GARRE1: variants seen among roughly 807,000 people sequenced by gnomAD.
GARRE1 encodes the protein granule associated Rac and RHOG effector protein 1.
Under a neutral mutation model 103.2 loss-of-function variants are expected in GARRE1, and 49 were observed. That is an observed-to-expected ratio of 0.47 (90% CI 0.38 to 0.60). The LOEUF is 0.60. GARRE1 is among the 20% of genes least tolerant of loss of function. GARRE1 has a pLI of 0.00. For missense variants in GARRE1, 1,199 were observed against 1,370.5 expected, an observed-to-expected ratio of 0.87 and a Z score of 1.98; for synonymous variants, 505 against 532.8, an observed-to-expected ratio of 0.95 and a Z score of 0.72.
At chr19:34,274,728 A>C (rs1350377836) in intron 1 of GARRE1, among the ~76,000 whole-genome samples, 1 of 152,180 alleles carries the variant, frequency 6.6e-6, no homozygotes, top group African/African-American at 2.4e-5. Flanking sequence ...TCAGAGGAGG[A>C]GTAGCTCAAA....
intron 12 of GARRE1, among the ~76,000 whole-genome samples, chr19:34,349,563 A>C (rs2074227379): frequency 6.6e-6 from 1 of 152,216 alleles, no homozygotes; most frequent in South Asian, 2.1e-4. Context: ...GGCGTTTCAA[A>C]GTTGGGAAAA....
chr19:34,350,861 G>A (rs1051175403), intron 12 of GARRE1, among the ~76,000 whole-genome samples: 11 of 152,094 alleles, frequency 7.2e-5, no homozygotes, highest in African/African-American at 1.9e-4. Context: ...GATTAAAGGC[G>A]TGAGCCACCG....
intron 2 of GARRE1, among the ~76,000 whole-genome samples, chr19:34,301,683 G>A (rs897610190): frequency 1.4e-4 from 21 of 150,522 alleles, no homozygotes; most frequent in Non-Finnish European, 1.3e-4. Flanking sequence ...TTTATTTGTG[G>A]ATTTTTTTTT....
chr19:34,288,279 T>C (rs902412913), intron 1 of GARRE1, among the ~76,000 whole-genome samples: 1 of 152,218 alleles, frequency 6.6e-6, no homozygotes, highest in African/African-American at 2.4e-5. Context: ...GAATGGAAAC[T>C]GTGGTGTTTG....
intron 1 of GARRE1, among the ~76,000 whole-genome samples, chr19:34,284,454 G>A (rs377065017): frequency 3.9e-5 from 6 of 152,148 alleles, no homozygotes; most frequent in African/African-American, 9.6e-5. Flanking sequence ...GTCCTTTATT[G>A]CCTGAAATAG....
intron 1 of GARRE1, among the ~76,000 whole-genome samples, chr19:34,257,878 C>CTTTTTCTTT (rs376143050): frequency 6.7e-6 from 1 of 148,398 alleles, no homozygotes; most frequent in Non-Finnish European, 1.5e-5. Flanking sequence ...CTTCTTTTTT[C>CTTTTTCTTT]TTTTTCTTTT....
At position 34,319,934 on chromosome 19, in the gene GARRE1, G is replaced by T. The variant is rs764106013; in HGVS notation, c.523G>T (p.Val175Leu). The part of the protein sequence containing the change: ...EVLGRCFLTV[V>L]QVHFQFLTHA... ...GTTGGGGCGATGTTTCCTGACTGTG[G>T]TGCAAGTCCATTTCCAGTTTTTGAC... Residue 175 changes from valine to leucine, a missense_variant, in exon 3 of 14, where the codon GTG becomes TTG. Coordinates refer to ENST00000299505, the MANE Select transcript of GARRE1 (RefSeq NM_014686.5). 6.2e-7 allele frequency: 1 copy of T among 1,614,214 alleles called. No homozygotes were observed. The highest frequency in any genetic ancestry group is 8.5e-7 in the Non-Finnish European group (1 of 1,180,040).
At chr19:34,308,749 A>G (rs938864302) in intron 2 of GARRE1, among the ~76,000 whole-genome samples, 10 of 152,212 alleles carry the variant, frequency 6.6e-5, no homozygotes, top group African/African-American at 2.4e-4. Flanking sequence ...AAAAGGAGAA[A>G]AGTAAGGAAA....
At chr19:34,308,223 A>G (rs987416747) in intron 2 of GARRE1, among the ~76,000 whole-genome samples, 6 of 149,868 alleles carry the variant, frequency 4.0e-5, no homozygotes, top group Non-Finnish European at 8.9e-5. Flanking sequence ...ATGGAATTGA[A>G]TGTGCATCCT....
intron 1 of GARRE1, among the ~76,000 whole-genome samples, chr19:34,298,550 T>A (rs2073959554): frequency 6.6e-6 from 1 of 151,554 alleles, no homozygotes; most frequent in Admixed American, 6.6e-5. Flanking sequence ...CCATCTCTAC[T>A]AAAAGTACAA....
At chr19:34,259,664 T>G (rs1051737361) in intron 1 of GARRE1, among the ~76,000 whole-genome samples, 1 of 152,134 alleles carries the variant, frequency 6.6e-6, no homozygotes, top group African/African-American at 2.4e-5. Flanking sequence ...TTTTTTTTGT[T>G]TGTTTGTTTG....
At position 34,307,648 on chromosome 19, in the gene GARRE1, C is replaced by CATAT. The variant is rs1277877764; in HGVS notation, c.495+6683_495+6684insTATA. On this transcript the variant is annotated intron_variant, in intron 2 of 13. Coordinates refer to ENST00000299505, the MANE Select transcript of GARRE1 (RefSeq NM_014686.5). ...ATATATACATATATACTTATATATA[C>CATAT]ATACTTATATATACATATATACTTA... 5.5e-4 allele frequency among the ~76,000 whole-genome samples: 73 copies of CATAT among 132,540 alleles called. 1 individual carries two copies. Among genetic ancestry groups the CATAT allele is most frequent in the South Asian group, 1.1e-3 (5 of 4,428 alleles). The allele number at this position is 132,540 out of a possible 152,430, so 87.0% of individuals were successfully genotyped here.
intron 5 of GARRE1, 30 bp downstream of exon 5, chr19:34,327,896 A>T (rs1480909922): frequency 6.2e-7 from 1 of 1,613,014 alleles, no homozygotes; most frequent in East Asian, 2.2e-5. Context: ...AGCTCTGGGG[A>T]CCTATGGCGC....
chr19:34,332,848 A>G (rs2074143704), intron 7 of GARRE1, among the ~76,000 whole-genome samples: 1 of 151,872 alleles, frequency 6.6e-6, no homozygotes, highest in Admixed American at 6.6e-5. Flanking sequence ...TACATAGGAT[A>G]CTCTTATCAC....
chr19:34,292,965 T>A (rs1446313647), intron 1 of GARRE1, among the ~76,000 whole-genome samples: 1 of 152,188 alleles, frequency 6.6e-6, no homozygotes, highest in Non-Finnish European at 1.5e-5. Flanking sequence ...CGCCTCTGCC[T>A]CCCAAAGTGC....
At position 34,254,780 on chromosome 19, in the gene GARRE1, C is replaced by T. The variant is rs1803197087; in HGVS notation, c.-796+166C>T. Reference sequence around the variant, plus strand: ...GGCGCGGGGCCGTGGGCTCCCGCCCCTTGCCCGCCCGCTGTGGAGGACGCC... The same window carrying T: ...GGCGCGGGGCCGTGGGCTCCCGCCCTTTGCCCGCCCGCTGTGGAGGACGCC... On this transcript the variant is annotated intron_variant, in intron 1 of 13. Coordinates refer to ENST00000299505, the MANE Select transcript of GARRE1 (RefSeq NM_014686.5). Among the ~76,000 whole-genome samples the T allele has an allele frequency of 2.0e-5, 3 of 148,936 alleles. No homozygotes were observed. In the South Asian group the frequency reaches 6.2e-4, roughly 31 times the overall value.
intron 3 of GARRE1, among the ~76,000 whole-genome samples, chr19:34,325,890 A>C (rs1599774036): frequency 6.6e-6 from 1 of 151,410 alleles, no homozygotes; most frequent in African/African-American, 2.4e-5. Flanking sequence ...CCCACCCCAC[A>C]CACATGCAAT....
At chr19:34,302,030 G>A (rs2073982201) in intron 2 of GARRE1, among the ~76,000 whole-genome samples, 1 of 104,888 alleles carries the variant, frequency 9.5e-6, no homozygotes, top group South Asian at 3.3e-4. Context: ...CGCTCTTGTT[G>A]CCCAGGCTGG....
intron 9 of GARRE1, 71 bp from the exon 10 acceptor site, chr19:34,341,351 T>C: frequency 7.5e-7 from 1 of 1,326,714 alleles, no homozygotes; most frequent in Non-Finnish European, 1.0e-6. Flanking sequence ...CATTCTTAAA[T>C]ACAAAGAGGT....
Sources: allele counts gnomAD v4.1 joint callset (sites outside exome capture counted in the v4.1 genomes callset), GRCh38; gene constraint gnomAD v4.1.1; transcripts MANE v1.5; gene names NCBI Gene and HGNC (gene_info 2026-07-23, HGNC 2026-07-21).